ARHGAP32: variants seen among roughly 807,000 people sequenced by gnomAD.
ARHGAP32 encodes rho GTPase-activating protein 32.
A neutral mutation model predicts 186.5 loss-of-function variants in ARHGAP32; 51 were observed. The observed-to-expected ratio is 0.27, with a 90% CI of 0.22 to 0.35. ARHGAP32 has a LOEUF of 0.35. Ranked by LOEUF, ARHGAP32 falls within the 10% of genes least tolerant of loss-of-function variation. The probability of loss-of-function intolerance (pLI) is 1.00; values close to 1 mark genes in which losing one functional copy is unlikely to be tolerated. For missense variants in ARHGAP32, 2,186 were observed against 2,623.5 expected (o/e 0.83, Z 3.64); for synonymous variants, 950 against 964.3 (o/e 0.99, Z 0.27).
At chr11:129,081,395 T>C (rs760164872) in intron 6 of ARHGAP32, among the ~76,000 whole-genome samples, 2 of 151,484 alleles carry the variant, frequency 1.3e-5, no homozygotes, top group African/African-American at 2.4e-5. Flanking sequence ...CAAGAGAATA[T>C]CAAAAAGATA....
At chr11:129,007,306 A>G (rs1937834943) in intron 11 of ARHGAP32, among the ~76,000 whole-genome samples, 2 of 151,902 alleles carry the variant, frequency 1.3e-5, no homozygotes, top group Admixed American at 1.3e-4. Context: ...CATAGCCACC[A>G]CAGCTAGGAA....
rs538484451 is a variant in ARHGAP32, at chr11:129,040,142, T to C, written c.1045+786A>G. 6.6e-5 allele frequency among the ~76,000 whole-genome samples: 10 copies of C among 152,174 alleles called. No homozygotes were observed. In the South Asian group the frequency reaches 2.1e-3, roughly 32 times the overall value. ...ATAACTGTTTTTTTTTTCTTAACTC[T>C]TACATACAGGTCCTAAAACTAGAAA... On this transcript the variant is annotated intron_variant, in intron 11 of 22. Coordinates refer to ENST00000682385, the MANE Select transcript of ARHGAP32 (RefSeq NM_001378024.1).
intron 1 of ARHGAP32, among the ~76,000 whole-genome samples, chr11:129,218,340 C>CA (rs1236159002): frequency 1.3e-5 from 2 of 152,116 alleles, no homozygotes; most frequent in Non-Finnish European, 2.9e-5. Flanking sequence ...TTTCTTCTGT[C>CA]AGTCATAGGA....
At chr11:129,132,455 G>A (rs1942833564) in intron 2 of ARHGAP32, among the ~76,000 whole-genome samples, 1 of 151,380 alleles carries the variant, frequency 6.6e-6, no homozygotes, top group Non-Finnish European at 1.5e-5. Flanking sequence ...TCCAGCCTGA[G>A]CAACAGAGCA....
intron 1 of ARHGAP32, among the ~76,000 whole-genome samples, chr11:129,272,127 A>G (rs1945480922): frequency 6.6e-6 from 1 of 152,168 alleles, no homozygotes; most frequent in South Asian, 2.1e-4. Flanking sequence ...AAAAGGAAAC[A>G]AAAAAAGGAC....
intron 5 of ARHGAP32, among the ~76,000 whole-genome samples, chr11:129,120,628 T>TA (rs1291143960): frequency 6.6e-6 from 1 of 152,106 alleles, no homozygotes; most frequent in African/African-American, 2.4e-5. Flanking sequence ...GCCAGAAAGT[T>TA]AAAGATTATT....
Position 128,970,379 on chromosome 11 carries a change from G to T in ARHGAP32, c.4834C>A (p.Pro1612Thr). ...GGGGGAACTTCTGTCCGTGAAATGGGAACAGAGCGAATCATGGAAGACGGC... is the reference window on the plus strand; with the variant it reads ...GGGGGAACTTCTGTCCGTGAAATGGTAACAGAGCGAATCATGGAAGACGGC... ...APPSSMIRSV[P>T]ISRTEVPPDD... Residue 1612 changes from proline (P) to threonine (T), a missense_variant, in exon 23 of 23, where the codon CCC (proline) becomes ACC (threonine). Around this residue, in one of 5 missense-constraint regions of ARHGAP32, gnomAD observed 1,502 missense variants for 1,570.0 expected, o/e 0.96. Coordinates refer to ENST00000682385, the MANE Select transcript of ARHGAP32 (RefSeq NM_001378024.1). The surrounding 1 kb of genome is among the most constrained non-coding windows in gnomAD (Gnocchi z 5.8). The T allele has an allele frequency of 6.2e-7, 1 of 1,614,160 alleles. No homozygotes were observed. Among genetic ancestry groups the T allele is most frequent in the Non-Finnish European group, 8.5e-7 (1 of 1,180,020 alleles).
rs751308710 is a variant in ARHGAP32, at chr11:128,974,267, T to C, written c.2930A>G (p.Glu977Gly). ...TTCATATGCTTCTTGGGCAACTGTC[T>C]CATTTGTTTTCATCTTTACTATCTG... Reference protein sequence around the residue: ...PTQIVKMKTNETVAQEAYESE... With the variant: ...PTQIVKMKTNGTVAQEAYESE... Residue 977 changes from glutamate to glycine, a missense_variant, in exon 21 of 23, where the codon GAG becomes GGG. By Grantham distance (98) the Glu-to-Gly change is moderately conservative (BLOSUM62 -2). Around this residue, in one of 5 missense-constraint regions of ARHGAP32, gnomAD observed 1,502 missense variants for 1,570.0 expected, o/e 0.96. Transcript: ENST00000682385. 8 of 1,614,196 alleles carry C rather than the reference T, an allele frequency of 5.0e-6. No homozygotes were observed. The highest frequency in any genetic ancestry group is 5.9e-6 in the Non-Finnish European group (7 of 1,180,030).
intron 2 of ARHGAP32, among the ~76,000 whole-genome samples, chr11:129,149,234 G>A (rs1312902325): frequency 1.3e-5 from 2 of 152,208 alleles, no homozygotes; most frequent in African/African-American, 4.8e-5. Context: ...CTGCCAGGAA[G>A]AAGAAGACAA....
intron 17 of ARHGAP32, 66 bp from the exon 18 acceptor site, chr11:128,980,814 C>CT (rs1945687525): frequency 8.2e-7 from 1 of 1,217,544 alleles, no homozygotes; most frequent in South Asian, 1.5e-5. Context: ...TTGTTAGTAT[C>CT]TATCTCTCCA....
intron 1 of ARHGAP32, among the ~76,000 whole-genome samples, chr11:129,174,356 G>A (rs1022781514): frequency 6.6e-6 from 1 of 152,186 alleles, no homozygotes; most frequent in Non-Finnish European, 1.5e-5. Flanking sequence ...GCGGCAGCAA[G>A]GCTCGGGGAG....
chr11:129,143,090 A>ATATATATATATATATATATATAG (rs1258769121), intron 2 of ARHGAP32, among the ~76,000 whole-genome samples: 2 of 47,588 alleles, frequency 4.2e-5, no homozygotes, highest in Non-Finnish European at 9.3e-5. Flanking sequence ...TATATATATA[A>ATATATATATATATATATATATAG]TCAACTGAAT....
At chr11:129,191,616 G>A (rs1291220930) in intron 1 of ARHGAP32, among the ~76,000 whole-genome samples, 2 of 151,118 alleles carry the variant, frequency 1.3e-5, no homozygotes, top group Admixed American at 6.6e-5. Flanking sequence ...GTACTTAATC[G>A]GAATTTTTCA....
intron 1 of ARHGAP32, among the ~76,000 whole-genome samples, chr11:129,208,381 G>C (rs1402569924): frequency 1.3e-5 from 2 of 152,100 alleles, no homozygotes; most frequent in Non-Finnish European, 2.9e-5. Flanking sequence ...GCTGAGCCTG[G>C]GCGTCCAGCA....
intron 12 of ARHGAP32, among the ~76,000 whole-genome samples, chr11:128,997,032 G>T (rs1206012770): frequency 6.6e-6 from 1 of 152,162 alleles, no homozygotes; most frequent in Non-Finnish European, 1.5e-5. Flanking sequence ...GCCTGCCTCA[G>T]ACTCCCAAAG....
chr11:129,115,887 G>A (rs1398850839), intron 5 of ARHGAP32, among the ~76,000 whole-genome samples: 1 of 151,968 alleles, frequency 6.6e-6, no homozygotes. Context: ...TCTCCATCTC[G>A]AGAAAGGAGA....
Position 128,992,614 on chromosome 11 carries a change from C to CA in ARHGAP32, c.1196-4490dup, listed in dbSNP as rs1314666500. ...CAATATGGTGAAACCCTGTCTCTAC[C>CA]AAAAAATACAGGAAAAAAAAAAATT... is the stretch of plus-strand genomic sequence containing the variant. On this transcript the variant is annotated intron_variant, in intron 12 of 22. Coordinates refer to ENST00000682385, the MANE Select transcript of ARHGAP32 (RefSeq NM_001378024.1). 3.3e-5 allele frequency among the ~76,000 whole-genome samples: 5 copies of CA among 151,080 alleles called. No individual in the cohort carries two copies. The East Asian group carries it at 9.7e-4, about 29-fold the overall frequency.
At chr11:129,203,506 T>C (rs185791622) in intron 1 of ARHGAP32, among the ~76,000 whole-genome samples, 4 of 152,156 alleles carry the variant, frequency 2.6e-5, no homozygotes, top group East Asian at 1.9e-4. Context: ...GAAAACAGGC[T>C]ACAGTTAATT....
intron 2 of ARHGAP32, among the ~76,000 whole-genome samples, chr11:129,148,448 G>A (rs1943217491): frequency 1.3e-5 from 2 of 152,282 alleles, no homozygotes; most frequent in African/African-American, 4.8e-5. Context: ...GAGAGGAAGT[G>A]ACTTGCATGT....
Sources: gnomAD v4.1 joint callset for allele counts (sites outside exome capture counted in the v4.1 genomes callset) on GRCh38, gnomAD v4.1.1 for gene constraint, gnomAD v4.1.1 regional missense constraint, Gnocchi (gnomAD v3.1) non-coding constraint, MANE v1.5 for transcripts, NCBI Gene and HGNC (gene_info 2026-07-23, HGNC 2026-07-21) for gene names.